The following DPH1 variants were observed in gnomAD, a reference collection of about 807,000 sequenced individuals.
DPH1 encodes 2-(3-amino-3-carboxypropyl)histidine synthase subunit 1.
In DPH1, 59 loss-of-function variants were observed where a neutral mutation model predicts 55.3. That is an observed-to-expected ratio of 1.07 (90% CI 0.87 to 1.33). The LOEUF is 1.33. Ranked by LOEUF, DPH1 falls within the 40% of genes most tolerant of loss-of-function variation. The pLI, the probability that DPH1 is intolerant of heterozygous loss-of-function variation, is 0.00. For synonymous variants in DPH1, 238 were observed against 235.5 expected (o/e 1.01, Z -0.10); for missense variants, 628 against 584.8 (o/e 1.07, Z -0.76).
chr17:2,043,254 A>G lies in DPH1; in HGVS notation c.*668A>G. 1.0e-6 allele frequency: 1 copy of G among 957,898 alleles called. No homozygotes were observed. Among genetic ancestry groups the G allele is most frequent in the South Asian group, 1.7e-5 (1 of 60,522 alleles). The allele number at this position is 957,898 out of a possible 1,614,324, so 59.3% of individuals were successfully genotyped here. On this transcript the variant is annotated 3_prime_UTR_variant, in exon 13 of 13. Transcript: ENST00000263083. Reference sequence around the variant, plus strand: ...ACTATCAATTCTTGAGACCCAAATTATAAGGGCCCTGCCCTGTACTGAAGA... The same window carrying G: ...ACTATCAATTCTTGAGACCCAAATTGTAAGGGCCCTGCCCTGTACTGAAGA...
intron 6 of DPH1, among the ~76,000 whole-genome samples, chr17:2,038,202 G>A (rs922215252): frequency 2.7e-5 from 4 of 149,400 alleles, no homozygotes; most frequent in African/African-American, 9.8e-5. Context: ...GTCCATGCCT[G>A]TAGTCCCAGC....
At position 2,036,839 on chromosome 17, in the gene DPH1, C is replaced by A; in HGVS notation, c.563C>A (p.Ala188Asp). ...TIQFVSTLQA[A>D]AQELKAEYRV... ...CTTCCCTCGTCATTCCTACAGGCAGCCGCCCAGGAGCTGAAAGCCGAGTAT... is the reference window on the plus strand; with the variant it reads ...CTTCCCTCGTCATTCCTACAGGCAGACGCCCAGGAGCTGAAAGCCGAGTAT... Residue 188 changes from alanine to aspartate, a missense_variant, in exon 6 of 13, where the codon GCC (alanine) becomes GAC (aspartate). Coordinates refer to ENST00000263083, the MANE Select transcript of DPH1 (RefSeq NM_001383.6). This position sits in a 1 kb window ranked among gnomAD's most constrained non-coding sequence, Gnocchi z 4.8. 1 of 1,613,210 alleles carries A rather than the reference C, an allele frequency of 6.2e-7. No homozygotes were observed. Among genetic ancestry groups the A allele is most frequent in the Non-Finnish European group, 8.5e-7 (1 of 1,179,754 alleles).
chr17:2,037,127 C>T (rs933932212), intron 6 of DPH1, 171 bp downstream of exon 6: 73 of 970,900 alleles, frequency 7.5e-5, no homozygotes, highest in Non-Finnish European at 9.7e-5. Flanking sequence ...GGTTTACTGT[C>T]GCTTTCTCCA....
rs1441918762 is a variant in DPH1 at position 2,042,444 on chromosome 17, T to G, written c.*19-161T>G. 2.3e-6 allele frequency: 3 copies of G among 1,285,110 alleles called. No homozygotes were observed. The East Asian group carries it at 8.2e-5, about 35-fold the overall frequency. 79.6% of individuals were successfully genotyped at this position (1,285,110 alleles called of 1,614,324 possible). On this transcript the variant is annotated intron_variant, in intron 12 of 12. Transcript: ENST00000263083. ...ACCGTCTTCCTCCGCTGTCTCCTGT[T>G]CAGGCCAATCCACTCATTTCCCCCC...
intron 1 of DPH1, 190 bp from the exon 2 acceptor site, chr17:2,033,315 G>A: frequency 4.0e-6 from 3 of 749,518 alleles, no homozygotes; most frequent in Non-Finnish European, 4.3e-6. Context: ...TGTTTAGCAA[G>A]TTATTTAATT....
At chr17:2,032,437 C>T (rs543291520) in intron 1 of DPH1, among the ~76,000 whole-genome samples, 5 of 152,276 alleles carry the variant, frequency 3.3e-5, no homozygotes, top group Middle Eastern at 3.4e-3. Context: ...GAAATTATAC[C>T]GGTTACCTTC....
intron 9 of DPH1, 38 bp downstream of exon 9, chr17:2,040,643 T>G (rs756537646): frequency 6.8e-6 from 11 of 1,606,960 alleles, no homozygotes; most frequent in Non-Finnish European, 8.5e-6. Flanking sequence ...TAAAGAAGCT[T>G]AGAAGCTGGG....
chr17:2,042,435 G>A, intron 12 of DPH1, 170 bp from the exon 13 acceptor site: 1 of 1,263,942 alleles, frequency 7.9e-7, no homozygotes, highest in Non-Finnish European at 1.0e-6. Flanking sequence ...TTCCTCCGCT[G>A]TCTCCTGTTC....
At chr17:2,041,067 G>A (rs979885345) in intron 9 of DPH1, 36 bp from the exon 10 acceptor site, 9 of 1,572,358 alleles carry the variant, frequency 5.7e-6, no homozygotes, top group Admixed American at 1.8e-5. Flanking sequence ...CGACGAGGAG[G>A]CCCTTCCTAG....
At position 2,041,612 on chromosome 17, in the gene DPH1, G is replaced by C. The variant is rs751906149; in HGVS notation, c.1218G>C (p.Ala406=). ...DRRPHAPGRP[A]RGKVQEGSAR... ...GTCCCCACGCCCCGGGCCGGCCCGC[G>C]CGGGGGAAGGTAGGCGGGGGCTTCC... The change falls in exon 11 of 13, where the codon GCG becomes GCC. Residue 406 remains alanine, a synonymous_variant. Coordinates refer to ENST00000263083, the MANE Select transcript of DPH1 (RefSeq NM_001383.6). 1.8e-5 allele frequency: 29 copies of C among 1,604,764 alleles called. No homozygotes were observed. Among genetic ancestry groups the C allele is most frequent in the Admixed American group, 1.0e-4 (6 of 57,966 alleles).
In DPH1 at chr17:2,033,839, A is replaced by G. The variant is rs562021738; in HGVS notation, c.275A>G (p.Glu92Gly). 1 of 1,614,078 alleles carries G rather than the reference A, an allele frequency of 6.2e-7. No homozygotes were observed. The highest frequency in any genetic ancestry group is 2.2e-5 in the East Asian group (1 of 44,882). The change falls in exon 3 of 13, where the codon GAA becomes GGA. Residue 92 changes from glutamate (E) to glycine (G), a missense_variant. Coordinates refer to ENST00000263083, the MANE Select transcript of DPH1 (RefSeq NM_001383.6). ...LFACTIVDIL[E>G]RFTEAEVMVM... is the part of the protein sequence containing the mutation. ...GCCTGTACCATTGTGGATATCTTGG[A>G]AAGGTGAGGCTTGGGGCACTGGAGA... is the stretch of plus-strand genomic sequence containing the variant.
chr17:2,042,705 G>T lies in DPH1; in HGVS notation c.*119G>T, dbSNP rs2067565458. ...AAGAGCCCGCCGTCTGCAGGGGCCT[G>T]GAGGAATCACTGGGGATGGTGGCAC... On this transcript the variant is annotated 3_prime_UTR_variant, in exon 13 of 13. Transcript: ENST00000263083. 2 of 1,552,286 alleles carry T rather than the reference G, an allele frequency of 1.3e-6. No individual in the cohort carries two copies. The highest frequency in any genetic ancestry group is 1.7e-6 in the Non-Finnish European group (2 of 1,152,502).
At chr17:2,035,263 C>T (rs1597278698) in intron 3 of DPH1, among the ~76,000 whole-genome samples, 1 of 150,700 alleles carries the variant, frequency 6.6e-6, no homozygotes, top group Middle Eastern at 3.4e-3. Flanking sequence ...CCCAGTGATT[C>T]AGGCCTGGCA....
At chr17:2,035,821 T>G in intron 3 of DPH1, 149 bp from the exon 4 acceptor site, 2 of 1,256,610 alleles carry the variant, frequency 1.6e-6, no homozygotes, top group Non-Finnish European at 2.2e-6. Flanking sequence ...CTCCTAATCT[T>G]TGTTGGCAGA....
chr17:2,033,889 C>A, intron 3 of DPH1, 47 bp downstream of exon 3: 1 of 1,608,114 alleles, frequency 6.2e-7, no homozygotes, highest in Non-Finnish European at 8.5e-7. Flanking sequence ...GCTTCCCCCA[C>A]CCCCTATGCT....
chr17:2,043,443 C>G lies in DPH1; in HGVS notation c.*857C>G. The G allele has an allele frequency of 1.2e-5, 3 of 258,548 alleles. No individual in the cohort carries two copies. The South Asian group carries it at 2.4e-4, about 20-fold the overall frequency. 16.0% of individuals were successfully genotyped at this position (258,548 alleles called of 1,614,324 possible). On this transcript the variant is annotated 3_prime_UTR_variant, in exon 13 of 13. Coordinates refer to ENST00000263083, the MANE Select transcript of DPH1 (RefSeq NM_001383.6). ...GATTTGGATTTTGAGCATCTTTTTC[C>G]TGGTACACACAGAAAAACATTTTAT...
chr17:2,033,381 C>T, intron 1 of DPH1, 124 bp from the exon 2 acceptor site: 1 of 1,484,444 alleles, frequency 6.7e-7, no homozygotes, highest in South Asian at 1.2e-5. Flanking sequence ...CTTGAGATGA[C>T]TCAAAATTTT....
chr17:2,031,051 T>C (rs1324926958), intron 1 of DPH1, among the ~76,000 whole-genome samples: 5 of 152,332 alleles, frequency 3.3e-5, no homozygotes, highest in Non-Finnish European at 5.9e-5. Flanking sequence ...TACATATTCG[T>C]TGAATAAGTT....
chr17:2,038,513 C>T (rs1046314838), intron 6 of DPH1, among the ~76,000 whole-genome samples: 3 of 152,186 alleles, frequency 2.0e-5, no homozygotes, highest in African/African-American at 2.4e-5. Context: ...GGCCAGCCAG[C>T]GTGACCACCT....
Sources: allele counts gnomAD v4.1 joint callset (sites outside exome capture counted in the v4.1 genomes callset), GRCh38; gene constraint gnomAD v4.1.1; non-coding constraint Gnocchi (gnomAD v3.1); transcripts MANE v1.5; gene names NCBI Gene and HGNC (gene_info 2026-07-23, HGNC 2026-07-21).